ERC1: variants seen among roughly 807,000 people sequenced by gnomAD.
ERC1 encodes the protein RAB6 interacting protein 2.
In ERC1, 56 loss-of-function variants were observed where a neutral mutation model predicts 132.0. That is an observed-to-expected ratio of 0.42 (90% CI 0.34 to 0.53). ERC1 has a LOEUF of 0.53. ERC1 is among the 20% of genes least tolerant of loss of function. The probability of loss-of-function intolerance (pLI) is 0.03; values close to 1 mark genes in which losing one functional copy is unlikely to be tolerated. For missense variants in ERC1, 1,202 were observed against 1,349.9 expected (o/e 0.89, Z 1.72); for synonymous variants, 478 against 476.1 (o/e 1.00, Z -0.05).
chr12:1,014,979 G>T (rs2154141333), intron 1 of ERC1, among the ~76,000 whole-genome samples: 1 of 151,686 alleles, frequency 6.6e-6, no homozygotes, highest in African/African-American at 2.4e-5. Context: ...GGCTAGGCTG[G>T]TCCCGAACTC....
chr12:1,042,460 T>G (rs1317398720), intron 2 of ERC1, among the ~76,000 whole-genome samples: 1 of 150,500 alleles, frequency 6.6e-6, no homozygotes, highest in Admixed American at 6.7e-5. Context: ...GTTCTCTTGC[T>G]TCAGCCTCCA....
At chr12:1,166,822 A>G (rs191491345) in intron 8 of ERC1, among the ~76,000 whole-genome samples, 5 of 152,338 alleles carry the variant, frequency 3.3e-5, no homozygotes, top group African/African-American at 1.2e-4. Flanking sequence ...AGACAATAGA[A>G]GTGGACCTGA....
At chr12:1,287,799 A>T (rs1255165451) in intron 14 of ERC1, among the ~76,000 whole-genome samples, 1 of 152,102 alleles carries the variant, frequency 6.6e-6, no homozygotes, top group East Asian at 1.9e-4. Flanking sequence ...CACCCTATAG[A>T]TCTTGTGATT....
intron 16 of ERC1, among the ~76,000 whole-genome samples, chr12:1,395,297 T>C (rs932315627): frequency 1.3e-5 from 2 of 152,242 alleles, no homozygotes; most frequent in African/African-American, 2.4e-5. Context: ...GGAATGGCTT[T>C]TTAGATCTGA....
At chr12:1,075,680 C>T (rs1406808648) in intron 2 of ERC1, among the ~76,000 whole-genome samples, 1 of 151,066 alleles carries the variant, frequency 6.6e-6, no homozygotes, top group Non-Finnish European at 1.5e-5. Flanking sequence ...AACAAAAGTG[C>T]ACTCCATTGC....
In ERC1 at chr12:991,337, G is replaced by T. The variant is rs1959204374; in HGVS notation, c.-157+15G>T. 6.4e-6 allele frequency: 1 copy of T among 155,544 alleles called. No individual in the cohort carries two copies. Among genetic ancestry groups the T allele is most frequent in the Non-Finnish European group, 1.4e-5 (1 of 71,038 alleles). The allele number at this position is 155,544 out of a possible 1,614,324, so 9.6% of individuals were successfully genotyped here. On this transcript the variant is annotated intron_variant, in intron 1 of 18. Transcript: ENST00000360905. ...CCCTGAGGACGGTGAGACGGCCGCG[G>T]CGGCGGCGACAGCGCGGAAGTCGCG...
intron 8 of ERC1, among the ~76,000 whole-genome samples, chr12:1,173,303 T>C (rs76606189): frequency 0.013 from 1,953 of 152,264 alleles, 52 homozygotes; most frequent in African/African-American, 0.044. Context: ...TATAAAGTCC[T>C]TGCATCAGTA....
At chr12:1,116,552 A>T (rs999929917) in intron 7 of ERC1, among the ~76,000 whole-genome samples, 4 of 151,656 alleles carry the variant, frequency 2.6e-5, no homozygotes, top group Non-Finnish European at 5.9e-5. Context: ...TTGAAAATAA[A>T]GTTAGTGTTT....
In ERC1 at chr12:1,494,892, C is replaced by T; in HGVS notation, c.*4662C>T. On this transcript the variant is annotated 3_prime_UTR_variant, in exon 19 of 19. Coordinates refer to ENST00000360905, the MANE Select transcript of ERC1 (RefSeq NM_178040.4). ...AGCTATGGGGCAGCCACACTCCCCT[C>T]CTCCCAGGCTGGCATAGGTGGCCCT... 2 of 230,726 alleles carry T rather than the reference C, an allele frequency of 8.7e-6. No homozygotes were observed. Among genetic ancestry groups the T allele is most frequent in the Non-Finnish European group, 1.7e-5 (2 of 116,456 alleles). The allele number at this position is 230,726 out of a possible 1,614,324, so 14.3% of individuals were successfully genotyped here.
chr12:1,477,517 CAT>C (rs1008148500), intron 18 of ERC1, among the ~76,000 whole-genome samples: 7 of 152,160 alleles, frequency 4.6e-5, no homozygotes, highest in African/African-American at 9.7e-5. Flanking sequence ...GAGCCAGAAA[CAT>C]GTGGGTGTTG....
chr12:1,035,313 T>C (rs1968851500), intron 2 of ERC1, among the ~76,000 whole-genome samples: 1 of 152,252 alleles, frequency 6.6e-6, no homozygotes, highest in Admixed American at 6.5e-5. Flanking sequence ...TTGGATCTGA[T>C]TGGACCATAG....
intron 13 of ERC1, among the ~76,000 whole-genome samples, chr12:1,256,278 T>G (rs1394993434): frequency 3.3e-5 from 2 of 59,902 alleles, no homozygotes; most frequent in Non-Finnish European, 6.8e-5. Flanking sequence ...TGTTTTTGCC[T>G]TTTTTTTTTT....
Position 1,180,453 on chromosome 12 carries a change from C to A in ERC1, c.1738-87C>A, listed in dbSNP as rs1954318744. 8.8e-6 allele frequency: 11 copies of A among 1,243,500 alleles called. No individual in the cohort carries two copies. The East Asian group carries it at 2.7e-4, about 30-fold the overall frequency. 77.0% of individuals were successfully genotyped at this position (1,243,500 alleles called of 1,614,324 possible). ...ACACACACAGACAACCCTGAGCTAT[C>A]TGTTTTCAAATTGAAATGATTTTGA... On this transcript the variant is annotated intron_variant, in intron 8 of 18. Coordinates refer to ENST00000360905, the MANE Select transcript of ERC1 (RefSeq NM_178040.4).
chr12:1,410,692 C>A (rs1291968055), intron 17 of ERC1, among the ~76,000 whole-genome samples: 2 of 123,846 alleles, frequency 1.6e-5, no homozygotes, highest in Non-Finnish European at 3.4e-5. Context: ...TCTGTAATTT[C>A]TTTTTATACA....
At chr12:1,314,123 A>G (rs1471391888) in intron 15 of ERC1, among the ~76,000 whole-genome samples, 3 of 152,106 alleles carry the variant, frequency 2.0e-5, no homozygotes, top group African/African-American at 7.2e-5. Context: ...TATTAGAAAG[A>G]TGAGAAGGTT....
chr12:1,106,822 C>G (rs1945317426), intron 4 of ERC1, among the ~76,000 whole-genome samples: 1 of 152,148 alleles, frequency 6.6e-6, no homozygotes, highest in South Asian at 2.1e-4. Context: ...AATAGTATTA[C>G]TTGGTGGCAA....
intron 13 of ERC1, chr12:1,244,766 G>T: frequency 3.5e-6 from 1 of 283,652 alleles, no homozygotes; most frequent in Non-Finnish European, 7.1e-6. Context: ...TGATCTGCCT[G>T]CCTCGGCCTC....
chr12:1,183,303 A>G lies in ERC1; in HGVS notation c.2039A>G (p.Glu680Gly), dbSNP rs1373726263. ...EKEASLLDLK[E>G]HASSLASSGL... ...TAGGCTTCACTTTTGGATCTGAAAG[A>G]GCATGCTTCTTCTCTGGCATCCTCA... The change falls in exon 11 of 19, where the codon GAG becomes GGG. Residue 680 changes from glutamate to glycine, a missense_variant. By Grantham distance (98) the Glu-to-Gly change is moderately conservative. Transcript: ENST00000360905. 1 of 1,571,802 alleles carries G rather than the reference A, an allele frequency of 6.4e-7. No homozygotes were observed. Among genetic ancestry groups the G allele is most frequent in the East Asian group, 2.3e-5 (1 of 44,412 alleles).
chr12:1,032,526 A>T (rs1968244302), intron 2 of ERC1, among the ~76,000 whole-genome samples: 2 of 152,114 alleles, frequency 1.3e-5, no homozygotes, highest in African/African-American at 4.8e-5. Context: ...GTTCGTAATG[A>T]TCATTAACTG....
Sources: allele counts gnomAD v4.1 joint callset (sites outside exome capture counted in the v4.1 genomes callset), GRCh38; gene constraint gnomAD v4.1.1; transcripts MANE v1.5; gene names NCBI Gene and HGNC (gene_info 2026-07-23, HGNC 2026-07-21).